ESYT2: variants seen among roughly 807,000 people sequenced by gnomAD.
ESYT2 encodes extended synaptotagmin-2.
In ESYT2, 54 loss-of-function variants were observed where a neutral mutation model predicts 107.2. The observed-to-expected ratio is 0.50, with a 90% CI of 0.40 to 0.63. ESYT2 has a LOEUF of 0.63. Ranked by LOEUF, ESYT2 falls within the 30% of genes least tolerant of loss-of-function variation. The pLI is 0.00. For synonymous variants in ESYT2, 491 were observed against 434.1 expected (o/e 1.13, Z -1.63); for missense variants, 1,020 against 1,094.5 (o/e 0.93, Z 0.96).
chr7:158,742,675 G>A lies in ESYT2; in HGVS notation c.1795-779C>T, dbSNP rs188002199. 2.0e-3 allele frequency among the ~76,000 whole-genome samples: 305 copies of A among 152,348 alleles called. 3 individuals carry two copies. Among genetic ancestry groups the A allele is most frequent in the African/African-American group, 6.9e-3 (285 of 41,572 alleles). Reference sequence around the variant, plus strand: ...TGTGAGCACATGAGCTGGTCCCTGGGCTGGCTTGAGCAGAGTCCACACCTT... The same window carrying A: ...TGTGAGCACATGAGCTGGTCCCTGGACTGGCTTGAGCAGAGTCCACACCTT... On this transcript the variant is annotated intron_variant, in intron 17 of 22. Coordinates refer to ENST00000275418, the MANE Select transcript of ESYT2 (RefSeq NM_001367773.1).
chr7:158,738,852 C>T (rs1365476020), intron 19 of ESYT2, among the ~76,000 whole-genome samples, 171 bp downstream of exon 19: 3 of 152,214 alleles, frequency 2.0e-5, no homozygotes, highest in East Asian at 1.9e-4. Context: ...ATGTGACATA[C>T]GCAGTGGTGA....
intron 1 of ESYT2, among the ~76,000 whole-genome samples, chr7:158,809,205 T>C (rs113891867): frequency 0.019 from 2,916 of 151,564 alleles, 39 homozygotes; most frequent in Non-Finnish European, 0.033. Context: ...GCGTGGTGCG[T>C]GGTGGCTCAT....
chr7:158,821,793 C>T (rs1010301988), intron 1 of ESYT2, among the ~76,000 whole-genome samples: 1 of 152,210 alleles, frequency 6.6e-6, no homozygotes, highest in Non-Finnish European at 1.5e-5. Context: ...CCAGATGAGA[C>T]GGCCCAGAAA....
intron 6 of ESYT2, among the ~76,000 whole-genome samples, chr7:158,786,959 C>G (rs1839134835): frequency 6.6e-6 from 1 of 152,014 alleles, no homozygotes; most frequent in Admixed American, 6.6e-5. Flanking sequence ...AAAAGTGAAA[C>G]AAAAGGGGTG....
At chr7:158,795,501 C>A (rs1466005632) in intron 3 of ESYT2, among the ~76,000 whole-genome samples, 1 of 152,140 alleles carries the variant, frequency 6.6e-6, no homozygotes, top group Non-Finnish European at 1.5e-5. Flanking sequence ...ACTCTACAGC[C>A]CTGGAGCTAG....
chr7:158,767,861 T>C, intron 7 of ESYT2, 87 bp from the exon 8 acceptor site: 1 of 1,454,436 alleles, frequency 6.9e-7, no homozygotes, highest in South Asian at 1.3e-5. Flanking sequence ...ACCACGAATA[T>C]GATGTAAGTC....
At chr7:158,795,927 C>G (rs939239607) in intron 3 of ESYT2, among the ~76,000 whole-genome samples, 1 of 152,222 alleles carries the variant, frequency 6.6e-6, no homozygotes, top group Non-Finnish European at 1.5e-5. Flanking sequence ...GCACAGGAGG[C>G]ACGGGGTCTG....
intron 1 of ESYT2, among the ~76,000 whole-genome samples, chr7:158,806,787 T>C (rs984412370): frequency 6.6e-6 from 1 of 152,168 alleles, no homozygotes; most frequent in Non-Finnish European, 1.5e-5. Flanking sequence ...AGTCCAAGAA[T>C]AGGAAATCTG....
chr7:158,775,730 G>C (rs751695538), intron 6 of ESYT2, among the ~76,000 whole-genome samples: 1 of 152,030 alleles, frequency 6.6e-6, no homozygotes, highest in Non-Finnish European at 1.5e-5. Context: ...TCATCCATGA[G>C]AGTTGGAATC....
At chr7:158,755,953 C>A (rs1837740970) in intron 13 of ESYT2, among the ~76,000 whole-genome samples, 1 of 152,170 alleles carries the variant, frequency 6.6e-6, no homozygotes, top group Admixed American at 6.5e-5. Context: ...CAACATGGCA[C>A]ATGTATACCT....
intron 18 of ESYT2, 52 bp from the exon 19 acceptor site, chr7:158,739,173 G>A: frequency 4.1e-6 from 6 of 1,478,230 alleles, no homozygotes; most frequent in African/African-American, 1.4e-5. Flanking sequence ...GGAGAACGTT[G>A]TGATTCATTG....
intron 15 of ESYT2, among the ~76,000 whole-genome samples, 177 bp downstream of exon 15, chr7:158,749,472 G>A (rs747190391): frequency 3.9e-5 from 6 of 152,136 alleles, no homozygotes; most frequent in Non-Finnish European, 8.8e-5. Context: ...TCAAGTAGCT[G>A]GTTATCTATA....
At chr7:158,758,547 A>AT (rs138075920) in intron 13 of ESYT2, among the ~76,000 whole-genome samples, 19 of 152,312 alleles carry the variant, frequency 1.2e-4, no homozygotes, top group African/African-American at 3.6e-4. Flanking sequence ...TTATGTACAA[A>AT]TGCACTTGGG....
rs1361102768 is a variant in ESYT2 at position 158,731,680 on chromosome 7, A to T, written c.*2527T>A. 1 of 152,666 alleles carries T rather than the reference A, an allele frequency of 6.6e-6. No homozygotes were observed. Among genetic ancestry groups the T allele is most frequent in the Non-Finnish European group, 1.5e-5 (1 of 68,040 alleles). 9.5% of individuals were successfully genotyped at this position (152,666 alleles called of 1,614,324 possible). A position where few individuals can be genotyped will look rare whatever the true frequency, so the allele number is the denominator to read the frequency against. On this transcript the variant is annotated 3_prime_UTR_variant, in exon 23 of 23. Coordinates refer to ENST00000275418, the MANE Select transcript of ESYT2 (RefSeq NM_001367773.1). The stretch of plus-strand genomic sequence containing the variant: ...GCACAGGATCAGGATAAGAACCCAC[A>T]TGTACGAGCTAACAGAGCTGCACTT...
intron 13 of ESYT2, 109 bp downstream of exon 13, chr7:158,759,377 A>G: frequency 6.0e-6 from 5 of 836,134 alleles, no homozygotes; most frequent in Non-Finnish European, 9.2e-6. Context: ...AAGTGAAAAC[A>G]CAACAAGAAG....
At chr7:158,777,975 T>A (rs1337143334) in intron 6 of ESYT2, among the ~76,000 whole-genome samples, 1 of 152,202 alleles carries the variant, frequency 6.6e-6, no homozygotes, top group Non-Finnish European at 1.5e-5. Context: ...TGCCATAAAC[T>A]TTCAACTAGT....
chr7:158,748,063 G>C, intron 16 of ESYT2, 131 bp downstream of exon 16: 1 of 773,066 alleles, frequency 1.3e-6, no homozygotes, highest in Non-Finnish European at 2.1e-6. Flanking sequence ...GGGTTACAGA[G>C]AGATCTACCA....
intron 1 of ESYT2, among the ~76,000 whole-genome samples, chr7:158,806,546 C>T (rs1220869803): frequency 6.6e-6 from 1 of 152,198 alleles, no homozygotes; most frequent in Non-Finnish European, 1.5e-5. Context: ...AGCTTCTACT[C>T]AGGAGAACAG....
At chr7:158,737,843 A>C (rs925631422) in intron 19 of ESYT2, among the ~76,000 whole-genome samples, 3 of 152,180 alleles carry the variant, frequency 2.0e-5, no homozygotes, top group Admixed American at 2.0e-4. Context: ...TTAAACCACT[A>C]ATAGGACAGA....
Sources: allele counts gnomAD v4.1 joint callset (sites outside exome capture counted in the v4.1 genomes callset), GRCh38; gene constraint gnomAD v4.1.1; transcripts MANE v1.5; gene names NCBI Gene and HGNC (gene_info 2026-07-23, HGNC 2026-07-21).